The following RBFOX1 variants were observed in gnomAD, a reference collection of about 807,000 sequenced individuals.
RBFOX1 encodes the protein RNA binding fox-1 homolog 1, also known as RNA binding protein fox-1 homolog 1.
In RBFOX1, 8 loss-of-function variants were observed where a neutral mutation model predicts 57.7. The observed-to-expected ratio is 0.14, with a 90% CI of 0.08 to 0.25. The LOEUF (loss-of-function observed/expected upper bound fraction) is 0.25, where lower values mean the gene tolerates loss of function less well. RBFOX1 is among the 10% of genes least tolerant of loss of function. The pLI is 1.00. For missense variants in RBFOX1, 611 were observed against 548.5 expected (o/e 1.11, Z -1.14); for synonymous variants, 326 against 222.4 (o/e 1.47, Z -4.15).
Position 6,559,438 on chromosome 16 carries a change from C to T in RBFOX1, c.-63-95165C>T, listed in dbSNP as rs75198263. On this transcript the variant is annotated intron_variant, in intron 2 of 15. Coordinates refer to ENST00000550418, the MANE Select transcript of RBFOX1 (RefSeq NM_018723.4). ...AGTACCACTGCTGAGATCATCTCAG[C>T]ACCATCTTCTCTTTTAGAAAGAGGA... Among the ~76,000 whole-genome samples the T allele has an allele frequency of 8.9e-3, 1,347 of 152,122 alleles. 20 individuals carry two copies. The highest frequency in any genetic ancestry group is 0.03 in the African/African-American group (1,250 of 41,484).
intron 1 of RBFOX1, among the ~76,000 whole-genome samples, chr16:6,214,795 G>C (rs1275391500): frequency 1.8e-5 from 2 of 109,804 alleles, no homozygotes; most frequent in Non-Finnish European, 3.8e-5. Flanking sequence ...AGGGGAGGGA[G>C]AGGGAGAGGG....
intron 4 of RBFOX1, among the ~76,000 whole-genome samples, chr16:7,221,117 C>A (rs1276980855): frequency 6.6e-6 from 1 of 151,974 alleles, no homozygotes; most frequent in African/African-American, 2.4e-5. Context: ...TGATTTGCTG[C>A]GTTTTATGTG....
chr16:6,501,118 C>A (rs1044641432), intron 2 of RBFOX1, among the ~76,000 whole-genome samples: 1 of 146,762 alleles, frequency 6.8e-6, no homozygotes, highest in African/African-American at 2.5e-5. Context: ...CTTTGTCTTG[C>A]CAGTTAAACA....
chr16:6,793,039 A>G (rs994268362), intron 3 of RBFOX1, among the ~76,000 whole-genome samples: 3 of 151,916 alleles, frequency 2.0e-5, no homozygotes, highest in Non-Finnish European at 4.4e-5. Flanking sequence ...AAAAAAAAAA[A>G]AAAATAGAAG....
At chr16:6,691,719 A>G (rs2060237563) in intron 3 of RBFOX1, among the ~76,000 whole-genome samples, 1 of 152,198 alleles carries the variant, frequency 6.6e-6, no homozygotes, top group South Asian at 2.1e-4. Flanking sequence ...AACCATGGAT[A>G]TGTCACCGCA....
At chr16:6,909,854 C>T (rs558830266) in intron 3 of RBFOX1, among the ~76,000 whole-genome samples, 4 of 152,100 alleles carry the variant, frequency 2.6e-5, no homozygotes, top group Admixed American at 6.6e-5. Flanking sequence ...CTGCTCGGAC[C>T]ACCCTCGTGT....
At chr16:5,644,325 C>T (rs956180780) in intron 3 of RBFOX1, among the ~76,000 whole-genome samples, 6 of 152,136 alleles carry the variant, frequency 3.9e-5, no homozygotes, top group African/African-American at 1.4e-4. Context: ...GCCAGAGATC[C>T]TTGATAAGGG....
chr16:6,230,946 C>T (rs1156361703), intron 1 of RBFOX1, among the ~76,000 whole-genome samples: 1 of 152,078 alleles, frequency 6.6e-6, no homozygotes. Flanking sequence ...TAGATGTAGC[C>T]CTCTGACTTT....
At chr16:5,691,072 C>G (rs917335332) in intron 3 of RBFOX1, among the ~76,000 whole-genome samples, 1 of 152,192 alleles carries the variant, frequency 6.6e-6, no homozygotes, top group Non-Finnish European at 1.5e-5. Context: ...CTTATTCACC[C>G]TGACTGTGGC....
intron 3 of RBFOX1, among the ~76,000 whole-genome samples, chr16:6,801,752 C>A (rs933876285): frequency 2.6e-5 from 4 of 152,036 alleles, no homozygotes; most frequent in African/African-American, 9.7e-5. Context: ...TAACCAGTTA[C>A]AGGGAGAAGG....
At chr16:6,613,209 G>C (rs1303032472) in intron 2 of RBFOX1, among the ~76,000 whole-genome samples, 1 of 152,076 alleles carries the variant, frequency 6.6e-6, no homozygotes, top group Non-Finnish European at 1.5e-5. Context: ...CTTCCAAGCA[G>C]CTCCCCCACT....
chr16:5,693,562 T>A (rs1232839055), intron 3 of RBFOX1, among the ~76,000 whole-genome samples: 2 of 152,282 alleles, frequency 1.3e-5, no homozygotes, highest in African/African-American at 2.4e-5. Flanking sequence ...AATTCTTCCC[T>A]GCAGGTCAGG....
At chr16:6,053,543 A>G (rs1207919583) in intron 1 of RBFOX1, among the ~76,000 whole-genome samples, 1 of 152,236 alleles carries the variant, frequency 6.6e-6, no homozygotes, top group Non-Finnish European at 1.5e-5. Context: ...CCCATGTAAT[A>G]TAACAAGTTT....
chr16:7,452,968 A>G (rs541935671), intron 4 of RBFOX1, among the ~76,000 whole-genome samples: 3 of 152,116 alleles, frequency 2.0e-5, no homozygotes, highest in African/African-American at 7.2e-5. Flanking sequence ...ATCTCCACTA[A>G]AAATACAAAA....
chr16:6,215,072 A>G (rs1311483106), intron 1 of RBFOX1, among the ~76,000 whole-genome samples: 1 of 109,364 alleles, frequency 9.1e-6, no homozygotes, highest in Admixed American at 9.3e-5. Context: ...AGGGACGGGG[A>G]GATGGGGAGA....
At chr16:7,699,202 C>G (rs895666533) in intron 14 of RBFOX1, among the ~76,000 whole-genome samples, 5 of 152,148 alleles carry the variant, frequency 3.3e-5, no homozygotes, top group African/African-American at 7.2e-5. Flanking sequence ...GACCTTTTCT[C>G]TTTGAGATAG....
chr16:6,447,595 T>C (rs1356115934), intron 2 of RBFOX1, among the ~76,000 whole-genome samples: 1 of 152,210 alleles, frequency 6.6e-6, no homozygotes, highest in Non-Finnish European at 1.5e-5. Flanking sequence ...TGTCGCTATA[T>C]GCATATGAAT....
At chr16:7,329,613 A>C (rs1431299386) in intron 4 of RBFOX1, among the ~76,000 whole-genome samples, 1 of 152,224 alleles carries the variant, frequency 6.6e-6, no homozygotes, top group Non-Finnish European at 1.5e-5. Flanking sequence ...GGACGAAGTC[A>C]ATACAACTTC....
intron 1 of RBFOX1, among the ~76,000 whole-genome samples, chr16:5,299,935 G>A (rs748065793): frequency 6.6e-6 from 1 of 151,654 alleles, no homozygotes; most frequent in African/African-American, 2.4e-5. Flanking sequence ...TTTAATAGAT[G>A]CACTTTATCA....
Sources: allele counts gnomAD v4.1 joint callset (sites outside exome capture counted in the v4.1 genomes callset), GRCh38; gene constraint gnomAD v4.1.1; transcripts MANE v1.5; gene names NCBI Gene and HGNC (gene_info 2026-07-23, HGNC 2026-07-21).